SUCLG2: variants seen among roughly 807,000 people sequenced by gnomAD.
The protein encoded by SUCLG2 is succinate--CoA ligase [GDP-forming] subunit beta, mitochondrial.
In SUCLG2, 42 loss-of-function variants were observed where a neutral mutation model predicts 47.9. The observed-to-expected ratio is 0.88, with a 90% CI of 0.69 to 1.14. SUCLG2 has a LOEUF of 1.14. SUCLG2 is among the 50% of genes most tolerant of loss of function. The probability of loss-of-function intolerance (pLI) is 0.00; values close to 1 mark genes in which losing one functional copy is unlikely to be tolerated. For synonymous variants in SUCLG2, 195 were observed against 197.3 expected (o/e 0.99, Z 0.10); for missense variants, 571 against 525.9 (o/e 1.09, Z -0.84).
chr3:67,395,776 G>C, intron 10 of SUCLG2, among the ~76,000 whole-genome samples: 1 of 152,138 alleles, frequency 6.6e-6, no homozygotes. Context: ...TGGAAGTAAA[G>C]CTCTCCTCAG....
chr3:67,430,270 C>T lies in SUCLG2; in HGVS notation c.1063-29419G>A, dbSNP rs991970809. 2.0e-4 allele frequency among the ~76,000 whole-genome samples: 30 copies of T among 152,286 alleles called. 1 individual carries two copies. Among genetic ancestry groups the T allele is most frequent in the Admixed American group, 1.8e-3 (28 of 15,300 alleles). On this transcript the variant is annotated intron_variant, in intron 9 of 10. Transcript: ENST00000307227. ...ACTGTCTCTCAGACCACAGTGCAAT[C>T]AAACTAGAACTCAGGATTAAGAAAC...
intron 9 of SUCLG2, among the ~76,000 whole-genome samples, chr3:67,431,130 C>T (rs1703468555): frequency 1.3e-5 from 2 of 151,968 alleles, no homozygotes; most frequent in South Asian, 2.1e-4. Flanking sequence ...ATACCAAAGC[C>T]TGGCAGAGAC....
intron 9 of SUCLG2, among the ~76,000 whole-genome samples, chr3:67,432,503 A>G (rs1703512586): frequency 6.6e-6 from 1 of 152,160 alleles, no homozygotes; most frequent in Non-Finnish European, 1.5e-5. Flanking sequence ...ATACAATATT[A>G]TATTCCAAAT....
chr3:67,592,842 C>G (rs141701477), intron 2 of SUCLG2, among the ~76,000 whole-genome samples: 1 of 151,650 alleles, frequency 6.6e-6, no homozygotes, highest in Non-Finnish European at 1.5e-5. Flanking sequence ...CCTCACGATA[C>G]TGTATAGAAA....
intron 1 of SUCLG2, among the ~76,000 whole-genome samples, chr3:67,619,259 C>A (rs1018275306): frequency 6.6e-6 from 1 of 152,158 alleles, no homozygotes; most frequent in Non-Finnish European, 1.5e-5. Flanking sequence ...GAAAGCATTA[C>A]CTCGTGAGAT....
intron 9 of SUCLG2, among the ~76,000 whole-genome samples, chr3:67,404,361 T>C (rs1304639776): frequency 2.1e-5 from 3 of 142,336 alleles, no homozygotes; most frequent in Non-Finnish European, 4.6e-5. Flanking sequence ...AGAGAATGAG[T>C]GAACAAGAAG....
intron 1 of SUCLG2, among the ~76,000 whole-genome samples, chr3:67,620,113 T>C (rs1038454986): frequency 6.6e-6 from 1 of 150,878 alleles, no homozygotes; most frequent in Admixed American, 6.6e-5. Context: ...AATTTTCCAC[T>C]GCATCCATAA....
intron 10 of SUCLG2, among the ~76,000 whole-genome samples, chr3:67,394,024 A>C (rs1356827502): frequency 1.3e-5 from 2 of 152,116 alleles, no homozygotes; most frequent in African/African-American, 4.8e-5. Flanking sequence ...CCATCTGTAC[A>C]TCACCATCAT....
intron 2 of SUCLG2, among the ~76,000 whole-genome samples, chr3:67,606,922 A>G (rs1477710804): frequency 1.3e-5 from 2 of 152,348 alleles, no homozygotes; most frequent in East Asian, 3.9e-4. Flanking sequence ...CATAACATAG[A>G]AAGGGTCTGG....
intron 10 of SUCLG2, among the ~76,000 whole-genome samples, chr3:67,369,150 T>G (rs763254801): frequency 2.6e-4 from 39 of 152,314 alleles, no homozygotes; most frequent in Admixed American, 7.8e-4. Context: ...CTTTTCTTCT[T>G]TTTCTGTTTT....
chr3:67,497,214 A>G (rs942186695), intron 8 of SUCLG2, among the ~76,000 whole-genome samples: 1 of 152,170 alleles, frequency 6.6e-6, no homozygotes, highest in Non-Finnish European at 1.5e-5. Flanking sequence ...TATTGTATTG[A>G]ACAGCCACCT....
intron 8 of SUCLG2, among the ~76,000 whole-genome samples, 176 bp downstream of exon 8, chr3:67,497,958 C>G (rs1463751219): frequency 2.0e-5 from 3 of 152,138 alleles, no homozygotes; most frequent in African/African-American, 4.8e-5. Flanking sequence ...TGCTTTACAC[C>G]AGTGACCATT....
At chr3:67,462,560 G>A (rs1174018142) in intron 9 of SUCLG2, among the ~76,000 whole-genome samples, 2 of 152,188 alleles carry the variant, frequency 1.3e-5, no homozygotes, top group African/African-American at 2.4e-5. Context: ...GGCATGCCCA[G>A]GAACGGGCTA....
At chr3:67,653,891 T>C (rs575377861) in intron 1 of SUCLG2, among the ~76,000 whole-genome samples, 3 of 152,358 alleles carry the variant, frequency 2.0e-5, no homozygotes, top group African/African-American at 4.8e-5. Flanking sequence ...ACAGGGTCAA[T>C]GGTCTAATGC....
chr3:67,572,877 C>T (rs992255595), intron 2 of SUCLG2, among the ~76,000 whole-genome samples: 4 of 151,876 alleles, frequency 2.6e-5, no homozygotes, highest in African/African-American at 9.7e-5. Flanking sequence ...AAAGACATAA[C>T]ATGGCCTATT....
At chr3:67,441,250 T>G (rs913492134) in intron 9 of SUCLG2, among the ~76,000 whole-genome samples, 9 of 151,836 alleles carry the variant, frequency 5.9e-5, no homozygotes, top group Admixed American at 4.6e-4. Context: ...AGGGGAGGGA[T>G]AGCATTAGGA....
At chr3:67,380,269 T>C (rs1702126093) in intron 10 of SUCLG2, among the ~76,000 whole-genome samples, 1 of 151,798 alleles carries the variant, frequency 6.6e-6, no homozygotes, top group African/African-American at 2.4e-5. Flanking sequence ...CTCACTGCCC[T>C]GAGTGAGGAC....
intron 2 of SUCLG2, among the ~76,000 whole-genome samples, chr3:67,529,882 A>G (rs1301862343): frequency 1.3e-5 from 2 of 152,224 alleles, no homozygotes; most frequent in African/African-American, 4.8e-5. Context: ...ATTAACACAA[A>G]TATCTTCCCT....
intron 1 of SUCLG2, among the ~76,000 whole-genome samples, chr3:67,636,000 T>A (rs1701003383): frequency 6.6e-6 from 1 of 152,188 alleles, no homozygotes; most frequent in Admixed American, 6.5e-5. Context: ...GGAAATAGGA[T>A]CTGTCAATGA....
Sources: allele counts gnomAD v4.1 joint callset (sites outside exome capture counted in the v4.1 genomes callset), GRCh38; gene constraint gnomAD v4.1.1; transcripts MANE v1.5; gene names NCBI Gene and HGNC (gene_info 2026-07-23, HGNC 2026-07-21).